The following APOOL variants were observed in gnomAD, a reference collection of about 807,000 sequenced individuals.
APOOL encodes MICOS complex subunit MIC27.
APOOL carries 12 observed loss-of-function variants against 23.1 expected under a neutral mutation model. That is an observed-to-expected ratio of 0.52 (90% confidence interval 0.33 to 0.84). The LOEUF (loss-of-function observed/expected upper bound fraction) is 0.84. Ranked by LOEUF, APOOL falls within the 40% of genes least tolerant of loss-of-function variation. The pLI is 0.02. For synonymous variants in APOOL, 77 were observed against 69.9 expected, an observed-to-expected ratio of 1.10 and a Z score of -0.51; for missense variants, 212 against 199.6, an observed-to-expected ratio of 1.06 and a Z score of -0.37.
chrX:85,011,209 G>A lies in APOOL; in HGVS notation c.15+7282G>A, dbSNP rs779279286. On this transcript the variant is annotated intron_variant, in intron 1 of 8. Transcript: ENST00000373173. ...AAATTATTTGTTCTTTTCTTGATTT[G>A]TTTGAGTTCCTTGTAGATACTGGAT... Among the ~76,000 whole-genome samples the A allele has an allele frequency of 4.5e-5, 5 of 111,483 alleles. No individual in the cohort carries two copies. In the East Asian group the frequency reaches 1.4e-3, roughly 31 times the overall value.
At position 85,076,995 on chromosome X, in the gene APOOL, TTATA is replaced by T. The variant is rs752255967; in HGVS notation, c.718+2623_718+2626del. Among the ~76,000 whole-genome samples, 621 of 82,477 alleles carry T rather than the reference TTATA, an allele frequency of 7.5e-3. 11 individuals carry two copies. Among genetic ancestry groups the T allele is most frequent in the African/African-American group, 0.03 (586 of 19,214 alleles). 71.6% of individuals were successfully genotyped at this position (82,477 alleles called of 115,157 possible). ...TTTTTAGGTGATAAATTTGCTAAACTTATATATATATATATATATATACGTATAT... is the reference window on the plus strand; with the variant it reads ...TTTTTAGGTGATAAATTTGCTAAACTTATATATATATATATATACGTATAT... On this transcript the variant is annotated intron_variant, in intron 8 of 8. Transcript: ENST00000373173.
chrX:85,057,011 T>C (rs1020529367), intron 5 of APOOL, among the ~76,000 whole-genome samples: 11 of 111,757 alleles, frequency 9.8e-5, no homozygotes, highest in African/African-American at 3.6e-4. Flanking sequence ...CTTCTTTCAC[T>C]TAGATTATCA....
intron 8 of APOOL, among the ~76,000 whole-genome samples, chrX:85,077,421 T>A (rs1483303400): frequency 9.1e-6 from 1 of 110,427 alleles, no homozygotes; most frequent in Non-Finnish European, 1.9e-5. Context: ...TCCATGTCCC[T>A]GCAAAGGACA....
intron 5 of APOOL, among the ~76,000 whole-genome samples, chrX:85,057,976 A>G (rs746778126): frequency 9.0e-6 from 1 of 111,389 alleles, no homozygotes; most frequent in East Asian, 2.8e-4. Context: ...AGCTAGAATA[A>G]TCTAAGCCAG....
At chrX:85,071,938 C>T (rs181982938) in intron 6 of APOOL, among the ~76,000 whole-genome samples, 1 of 111,174 alleles carries the variant, frequency 9.0e-6, no homozygotes, top group African/African-American at 3.3e-5. Flanking sequence ...ACTAAAAATA[C>T]AAAAAATTAG....
intron 2 of APOOL, among the ~76,000 whole-genome samples, chrX:85,049,045 T>C (rs993358844): frequency 2.7e-5 from 3 of 111,426 alleles, no homozygotes; most frequent in Non-Finnish European, 5.7e-5. Context: ...ATTATACTTA[T>C]TTTCTTGCCA....
intron 6 of APOOL, among the ~76,000 whole-genome samples, chrX:85,067,443 G>C (rs755059353): frequency 2.7e-5 from 3 of 111,292 alleles, no homozygotes; most frequent in Non-Finnish European, 5.7e-5. Context: ...CAGATTTGAG[G>C]ATTACGTTCA....
At chrX:85,041,827 GC>G (rs1213723481) in intron 1 of APOOL, among the ~76,000 whole-genome samples, 2 of 110,621 alleles carry the variant, frequency 1.8e-5, no homozygotes, top group African/African-American at 6.6e-5. Flanking sequence ...GTGGTGAGGA[GC>G]CCCCCCTTGT....
chrX:85,027,020 A>G (rs756413864), intron 1 of APOOL, among the ~76,000 whole-genome samples: 17 of 111,969 alleles, frequency 1.5e-4, no homozygotes, highest in Non-Finnish European at 5.6e-5. Flanking sequence ...GCACTGCTAT[A>G]AGGAAATACC....
At position 85,079,845 on chromosome X, in the gene APOOL, C is replaced by G. The variant is rs754541434; in HGVS notation, c.718+5454C>G. 1.3e-4 allele frequency among the ~76,000 whole-genome samples: 15 copies of G among 111,743 alleles called. No homozygotes were observed. In the East Asian group the frequency reaches 2.0e-3, roughly 15 times the overall value. On this transcript the variant is annotated intron_variant, in intron 8 of 8. Coordinates refer to ENST00000373173, the MANE Select transcript of APOOL (RefSeq NM_198450.6). ...AGGGTGTATGTGTCCAGGAATTTAT[C>G]CATTTCTTCTAGATTTTCTAGTTTA...
intron 5 of APOOL, among the ~76,000 whole-genome samples, chrX:85,064,806 A>G (rs774015421): frequency 1.1e-4 from 12 of 111,610 alleles, no homozygotes; most frequent in Non-Finnish European, 1.9e-4. Flanking sequence ...TATGTGATCA[A>G]TTTTAGAGTA....
chrX:85,069,734 G>A (rs1923599523), intron 6 of APOOL, among the ~76,000 whole-genome samples: 1 of 106,266 alleles, frequency 9.4e-6, no homozygotes, highest in Non-Finnish European at 1.9e-5. Context: ...AGCCATATCT[G>A]TAGTATGTCT....
rs1923755931 is a variant in APOOL at position 85,074,031 on chromosome X, C to A, written c.520C>A (p.Gln174Lys). The change falls in exon 7 of 9, where the codon CAA becomes AAA. Residue 174 changes from glutamine (Q) to lysine (K), a missense_variant. Physicochemically the swap from Gln to Lys is moderately conservative, Grantham distance 53 (BLOSUM62 1). Transcript: ENST00000373173. ...AAAAAAGGTATATGCTACAAGCCAGCAAATTTTTGGAGCAGTTAAATCATT... is the reference window on the plus strand; with the variant it reads ...AAAAAAGGTATATGCTACAAGCCAGAAAATTTTTGGAGCAGTTAAATCATT... ...TAKKVYATSQ[Q>K]IFGAVKSLWT... 2 of 1,167,385 alleles carry A rather than the reference C, an allele frequency of 1.7e-6. No individual in the cohort carries two copies. The highest frequency in any genetic ancestry group is 3.6e-5 in the African/African-American group (2 of 55,641).
intron 1 of APOOL, among the ~76,000 whole-genome samples, chrX:85,043,755 G>C (rs1264909344): frequency 1.8e-5 from 2 of 111,290 alleles, no homozygotes; most frequent in East Asian, 5.6e-4. Context: ...AAATATGTTG[G>C]ATAGATTTTA....
chrX:85,080,147 T>C (rs1924035147), intron 8 of APOOL, among the ~76,000 whole-genome samples: 1 of 111,595 alleles, frequency 9.0e-6, no homozygotes, highest in Admixed American at 9.6e-5. Flanking sequence ...TGAATGTGTT[T>C]GCTCTTGCTT....
chrX:85,055,204 C>T (rs1337216286), intron 4 of APOOL, among the ~76,000 whole-genome samples: 1 of 111,311 alleles, frequency 9.0e-6, no homozygotes, highest in Non-Finnish European at 1.9e-5. Context: ...ATGTGATTGC[C>T]ATTAAATAAT....
At chrX:85,058,784 A>G (rs936003321) in intron 5 of APOOL, among the ~76,000 whole-genome samples, 2 of 111,514 alleles carry the variant, frequency 1.8e-5, no homozygotes. Context: ...GTGAGAGATT[A>G]TCTCATTGTG....
intron 1 of APOOL, among the ~76,000 whole-genome samples, chrX:85,005,394 A>T (rs1227031504): frequency 7.7e-4 from 2 of 2,599 alleles, no homozygotes; most frequent in Non-Finnish European, 1.6e-3. Context: ...CTCGTGATTC[A>T]CCCCCCCCCC....
At chrX:85,066,033 C>G (rs1429711572) in intron 5 of APOOL, among the ~76,000 whole-genome samples, 1 of 111,332 alleles carries the variant, frequency 9.0e-6, no homozygotes, top group Non-Finnish European at 1.9e-5. Flanking sequence ...AATAGTTAAA[C>G]CAGACCGAGA....
Sources: gnomAD v4.1 joint callset for allele counts (sites outside exome capture counted in the v4.1 genomes callset) on GRCh38, gnomAD v4.1.1 for gene constraint, MANE v1.5 for transcripts, NCBI Gene and HGNC (gene_info 2026-07-23, HGNC 2026-07-21) for gene names.